SGCG: variants seen among roughly 807,000 people sequenced by gnomAD.
The protein encoded by SGCG is sarcoglycan gamma.
A neutral mutation model predicts 29.3 loss-of-function variants in SGCG; 26 were observed. The ratio of observed to expected loss-of-function variants is 0.89; its 90% confidence interval spans 0.65 to 1.23. SGCG has a LOEUF of 1.23. SGCG is among the 50% of genes most tolerant of loss of function. The pLI, the probability that SGCG is intolerant of heterozygous loss-of-function variation, is 0.00. For missense variants in SGCG, 353 were observed against 356.0 expected (o/e 0.99, Z 0.07); for synonymous variants, 145 against 129.7 (o/e 1.12, Z -0.80).
intron 2 of SGCG, among the ~76,000 whole-genome samples, chr13:23,219,254 A>C (rs1422266782): frequency 6.6e-6 from 1 of 151,960 alleles, no homozygotes; most frequent in African/African-American, 2.4e-5. Flanking sequence ...TCATCGTGTT[A>C]GCCAGGATGG....
At chr13:23,322,400 A>C (rs1412963168) in intron 7 of SGCG, among the ~76,000 whole-genome samples, 1 of 152,172 alleles carries the variant, frequency 6.6e-6, no homozygotes, top group Non-Finnish European at 1.5e-5. Context: ...CAGCATTTTC[A>C]CTTAGCAACA....
At chr13:23,310,512 A>C (rs371345968) in intron 6 of SGCG, among the ~76,000 whole-genome samples, 1 of 152,004 alleles carries the variant, frequency 6.6e-6, no homozygotes, top group Admixed American at 6.6e-5. Flanking sequence ...TTTATTTTCA[A>C]TATGTTTGCA....
intron 6 of SGCG, among the ~76,000 whole-genome samples, chr13:23,310,796 C>T (rs1208008788): frequency 6.6e-6 from 1 of 152,064 alleles, no homozygotes; most frequent in Non-Finnish European, 1.5e-5. Flanking sequence ...TATGCACAGA[C>T]ACAAATTAAT....
chr13:23,276,432 T>C (rs1357527933), intron 4 of SGCG, among the ~76,000 whole-genome samples: 2 of 20,488 alleles, frequency 9.8e-5, no homozygotes, highest in African/African-American at 1.6e-4. Flanking sequence ...TTTAGTTTTC[T>C]TTTTTTTTTT....
At chr13:23,215,711 G>A (rs993818565) in intron 2 of SGCG, among the ~76,000 whole-genome samples, 1 of 151,300 alleles carries the variant, frequency 6.6e-6, no homozygotes, top group Non-Finnish European at 1.5e-5. Context: ...GTTACACTCA[G>A]ACAAAAACCA....
chr13:23,166,928 CTT>C, the SGCG span, among the ~76,000 whole-genome samples: 6 of 152,290 alleles, frequency 3.9e-5, no homozygotes, highest in East Asian at 1.9e-4. Context: ...CAATTATACT[CTT>C]TTTATTTTAA....
intron 5 of SGCG, among the ~76,000 whole-genome samples, chr13:23,282,325 G>GT (rs1381420786): frequency 6.6e-6 from 1 of 152,206 alleles, no homozygotes; most frequent in African/African-American, 2.4e-5. Flanking sequence ...TCTTAACACT[G>GT]TTTTTTTGTT....
At chr13:23,257,347 C>T (rs1169173504) in intron 4 of SGCG, among the ~76,000 whole-genome samples, 1 of 152,064 alleles carries the variant, frequency 6.6e-6, no homozygotes, top group Non-Finnish European at 1.5e-5. Context: ...TGCCATGTTG[C>T]TTTGCTGCAC....
intron 6 of SGCG, among the ~76,000 whole-genome samples, chr13:23,310,211 C>T (rs1194917784): frequency 2.7e-5 from 4 of 150,726 alleles, no homozygotes; most frequent in East Asian, 2.0e-4. Flanking sequence ...CTCAGCCTCC[C>T]AAGTAGCTGG....
chr13:23,216,341 C>T (rs563276111), intron 2 of SGCG, among the ~76,000 whole-genome samples: 1 of 151,966 alleles, frequency 6.6e-6, no homozygotes, highest in South Asian at 2.1e-4. Flanking sequence ...TAATTTGGTA[C>T]CCAATAAATA....
intron 6 of SGCG, among the ~76,000 whole-genome samples, chr13:23,319,121 A>C (rs1189376061): frequency 1.3e-5 from 2 of 152,286 alleles, no homozygotes; most frequent in African/African-American, 2.4e-5. Flanking sequence ...AAGATGGTGA[A>C]ATCCCGTCTC....
the SGCG span, chr13:23,170,038 A>C: frequency 6.6e-6 from 1 of 152,246 alleles, no homozygotes; most frequent in Non-Finnish European, 1.5e-5. Context: ...CAAGCGAAGA[A>C]GAAAGTGTGT....
At chr13:23,272,002 A>C (rs1783733047) in intron 4 of SGCG, among the ~76,000 whole-genome samples, 1 of 152,142 alleles carries the variant, frequency 6.6e-6, no homozygotes, top group Non-Finnish European at 1.5e-5. Context: ...ATTGTATGTT[A>C]ATTTTATATC....
chr13:23,250,618 A>T lies in SGCG; in HGVS notation c.298-12A>T. 6.5e-7 allele frequency: 1 copy of T among 1,540,180 alleles called. No homozygotes were observed. The highest frequency in any genetic ancestry group is 9.0e-7 in the Non-Finnish European group (1 of 1,113,984). Reference sequence around the variant, plus strand: ...AGCACCTATTTTGCAAATTTTATAAATCTCTTTCTAGGACTCATCTCTGCT... The same window carrying T: ...AGCACCTATTTTGCAAATTTTATAATTCTCTTTCTAGGACTCATCTCTGCT... On this transcript the variant is annotated splice_polypyrimidine_tract_variant and intron_variant, in intron 3 of 7. Transcript: ENST00000218867.
chr13:23,259,361 T>C lies in SGCG; in HGVS notation c.385+8644T>C, dbSNP rs139686502. ...GTTTATAGTATTCTCTGATGATAGT[T>C]TGTATTTCTGTGGGATCGGTGGAGA... On this transcript the variant is annotated intron_variant, in intron 4 of 7. Transcript: ENST00000218867. Among the ~76,000 whole-genome samples the C allele has an allele frequency of 4.3e-3, 650 of 152,294 alleles. 5 individuals carry two copies. Among genetic ancestry groups the C allele is most frequent in the African/African-American group, 0.014 (593 of 41,554 alleles).
chr13:23,236,594 C>T (rs995466178), intron 3 of SGCG, among the ~76,000 whole-genome samples: 1 of 151,992 alleles, frequency 6.6e-6, no homozygotes, highest in African/African-American at 2.4e-5. Flanking sequence ...AGGAGAATGG[C>T]GTGAACCTGG....
At chr13:23,256,250 A>C (rs529652855) in intron 4 of SGCG, among the ~76,000 whole-genome samples, 12 of 152,356 alleles carry the variant, frequency 7.9e-5, no homozygotes, top group African/African-American at 2.9e-4. Flanking sequence ...TAAAACTTGC[A>C]AAAGCTCACA....
At chr13:23,165,669 C>A in the SGCG span, among the ~76,000 whole-genome samples, 1 of 151,904 alleles carries the variant, frequency 6.6e-6, no homozygotes, top group Non-Finnish European at 1.5e-5. Context: ...GGATTACAGG[C>A]GCTTGCCACC....
At chr13:23,233,837 C>T (rs778887726) in intron 2 of SGCG, among the ~76,000 whole-genome samples, 23 of 151,958 alleles carry the variant, frequency 1.5e-4, no homozygotes, top group Non-Finnish European at 2.2e-4. Context: ...GTAGGGAGGA[C>T]GAGCCTGTTA....
Sources: allele counts gnomAD v4.1 joint callset (sites outside exome capture counted in the v4.1 genomes callset), GRCh38; gene constraint gnomAD v4.1.1; transcripts MANE v1.5; gene names NCBI Gene and HGNC (gene_info 2026-07-23, HGNC 2026-07-21).